Variants in CACNA1A observed in about 807,000 individuals in gnomAD.
CACNA1A encodes calcium voltage-gated channel subunit alpha1 A.
CACNA1A carries 57 observed loss-of-function variants against 262.4 expected under a neutral mutation model. The ratio of observed to expected loss-of-function variants is 0.22; its 90% confidence interval spans 0.18 to 0.27. The LOEUF (loss-of-function observed/expected upper bound fraction) is 0.27, where lower values mean the gene tolerates loss of function less well. CACNA1A is among the 10% of genes least tolerant of loss of function. The pLI is 1.00. For missense variants in CACNA1A, 2,526 were observed against 3,562.8 expected, an observed-to-expected ratio of 0.71 and a Z score of 7.41; for synonymous variants, 1,431 against 1,419.3, an observed-to-expected ratio of 1.01 and a Z score of -0.18.
chr19:13,256,278 G>C (rs565778860), intron 28 of CACNA1A: 1 of 152,064 alleles, frequency 6.6e-6, no homozygotes, highest in African/African-American at 2.4e-5. Flanking sequence ...GATTACAGGC[G>C]TGAGCCACTG....
Position 13,452,958 on chromosome 19 carries a change from T to C in CACNA1A, c.457A>G (p.Ile153Val), listed in dbSNP as rs1181026700. 2.5e-6 allele frequency: 4 copies of C among 1,613,862 alleles called. No individual in the cohort carries two copies. The highest frequency in any genetic ancestry group is 3.4e-6 in the Non-Finnish European group (4 of 1,179,796). ...TTGTGGAAGGCAAACCCAAGGGCAA[T>C]GATTTTAATTCCAGCCTCGAAACAA... is the stretch of plus-strand genomic sequence containing the variant. ...IFCFEAGIKI[I>V]ALGFAFHKGS... The change falls in exon 3 of 47, where the codon ATT becomes GTT. Residue 153 changes from isoleucine (I) to valine (V), a missense_variant. Transcript: ENST00000360228.
chr19:13,384,478 C>A (rs1262806104), intron 3 of CACNA1A, among the ~76,000 whole-genome samples: 10 of 152,010 alleles, frequency 6.6e-5, no homozygotes. Flanking sequence ...CAGGTGGATC[C>A]CCTGAGGTTA....
intron 15 of CACNA1A, among the ~76,000 whole-genome samples, chr19:13,306,105 T>G (rs1442262084): frequency 6.6e-6 from 1 of 151,200 alleles, no homozygotes; most frequent in Non-Finnish European, 1.5e-5. Context: ...GAACTTCCCT[T>G]CATGGAAGGT....
At chr19:13,369,273 C>T (rs959540450) in intron 4 of CACNA1A, among the ~76,000 whole-genome samples, 1 of 152,150 alleles carries the variant, frequency 6.6e-6, no homozygotes, top group Non-Finnish European at 1.5e-5. Context: ...TGCGTCTCTA[C>T]CTCCCATCCA....
rs1057522207 is a variant in CACNA1A at position 13,286,527 on chromosome 19, G to A, written c.3529C>T (p.Pro1177Ser). ...CCTTGTACGACGGTGTGGTTGAGGG[G>A]GGGTGGGCAGGCTGGGGGGATGTCC... ...TVDIPPACPP[P>S]LNHTVVQVNK... Residue 1177 changes from proline (P) to serine (S), a missense_variant, in exon 20 of 47, where the codon CCC (proline) becomes TCC (serine). Transcript: ENST00000360228. The A allele has an allele frequency of 6.7e-7, 1 of 1,498,406 alleles. No individual in the cohort carries two copies. The highest frequency in any genetic ancestry group is 1.8e-4 in the Middle Eastern group (1 of 5,564). The allele number at this position is 1,498,406 out of a possible 1,614,324, so 92.8% of individuals were successfully genotyped here.
intron 6 of CACNA1A, among the ~76,000 whole-genome samples, chr19:13,343,387 G>T (rs1388689457): frequency 6.6e-6 from 1 of 151,976 alleles, no homozygotes; most frequent in Non-Finnish European, 1.5e-5. Context: ...GCCTCCCAAA[G>T]TGCTGGGATT....
intron 9 of CACNA1A, among the ~76,000 whole-genome samples, chr19:13,332,337 T>C (rs1173497360): frequency 6.6e-6 from 1 of 151,942 alleles, no homozygotes; most frequent in Admixed American, 6.6e-5. Flanking sequence ...GAGCCAGAGG[T>C]TGCAGTGAGG....
intron 11 of CACNA1A, among the ~76,000 whole-genome samples, chr19:13,314,505 A>G (rs2058089516): frequency 6.6e-6 from 1 of 152,116 alleles, no homozygotes; most frequent in Non-Finnish European, 1.5e-5. Context: ...TTGCTCCTCC[A>G]CCTTCTGCCA....
Position 13,359,635 on chromosome 19 carries a change from T to C in CACNA1A, c.949A>G (p.Met317Val). Residue 317 changes from methionine (M) to valine (V), a missense_variant, in exon 6 of 47, where the codon ATG becomes GTG. Transcript: ENST00000360228. ...TAGAGGAGATCAGTCCACCCTTCCATGGTTATGCACTGGAAAACAGTCAGC... is the reference window on the plus strand; with the variant it reads ...TAGAGGAGATCAGTCCACCCTTCCACGGTTATGCACTGGAAAACAGTCAGC... ...AVLTVFQCIT[M>V]EGWTDLLYNS... 6.2e-7 allele frequency: 1 copy of C among 1,611,662 alleles called. No homozygotes were observed. Among genetic ancestry groups the C allele is most frequent in the Non-Finnish European group, 8.5e-7 (1 of 1,178,818 alleles).
intron 1 of CACNA1A, among the ~76,000 whole-genome samples, chr19:13,457,676 C>A (rs574609344): frequency 6.6e-6 from 1 of 152,092 alleles, no homozygotes; most frequent in East Asian, 1.9e-4. Context: ...CATGGAGAAA[C>A]CCCATCTCTA....
At chr19:13,455,077 G>C in intron 2 of CACNA1A, 30 bp downstream of exon 2, 1 of 1,379,796 alleles carries the variant, frequency 7.2e-7, no homozygotes, top group Non-Finnish European at 1.0e-6. Flanking sequence ...TAAAGCCAAG[G>C]AGAAGACCCT....
intron 3 of CACNA1A, among the ~76,000 whole-genome samples, chr19:13,386,555 G>A (rs1294861905): frequency 1.3e-5 from 2 of 152,120 alleles, no homozygotes; most frequent in Non-Finnish European, 1.5e-5. Context: ...TTGGGAGGCC[G>A]AGGCAGGTGC....
intron 3 of CACNA1A, among the ~76,000 whole-genome samples, chr19:13,405,937 T>C (rs1337368558): frequency 1.3e-5 from 2 of 152,194 alleles, no homozygotes; most frequent in African/African-American, 2.4e-5. Flanking sequence ...CATCCATTCA[T>C]GTGGTCTCAG....
chr19:13,216,466 T>C (rs866652335), intron 38 of CACNA1A, among the ~76,000 whole-genome samples: 98 of 151,982 alleles, frequency 6.4e-4, no homozygotes, highest in African/African-American at 2.1e-3. Context: ...GCCTCCTGAG[T>C]AGCTGGGATT....
At chr19:13,387,327 A>T (rs2059632462) in intron 3 of CACNA1A, among the ~76,000 whole-genome samples, 1 of 152,146 alleles carries the variant, frequency 6.6e-6, no homozygotes, top group Admixed American at 6.5e-5. Flanking sequence ...ATATTCACTA[A>T]ATGTATTCTC....
At chr19:13,416,288 A>G (rs2144763289) in intron 3 of CACNA1A, among the ~76,000 whole-genome samples, 1 of 151,986 alleles carries the variant, frequency 6.6e-6, no homozygotes, top group African/African-American at 2.4e-5. Flanking sequence ...TTTTTTATAG[A>G]GATGGGGTCT....
intron 1 of CACNA1A, among the ~76,000 whole-genome samples, chr19:13,472,930 C>T (rs1327616002): frequency 1.3e-5 from 2 of 152,056 alleles, no homozygotes; most frequent in African/African-American, 2.4e-5. Flanking sequence ...ATCTGACGGG[C>T]TCAAAATCCA....
intron 38 of CACNA1A, among the ~76,000 whole-genome samples, chr19:13,224,147 A>AC (rs199807910): frequency 0.031 from 4,717 of 151,392 alleles, 134 homozygotes; most frequent in South Asian, 0.067. Context: ...ACATGGTGAA[A>AC]CCCCATCTCT....
At chr19:13,335,955 C>A in intron 6 of CACNA1A, 46 bp from the exon 7 acceptor site, 1 of 1,108,514 alleles carries the variant, frequency 9.0e-7, no homozygotes, top group South Asian at 1.3e-5. Flanking sequence ...GACTGGGACT[C>A]AGATAGAACC....
Sources: allele counts gnomAD v4.1 joint callset (sites outside exome capture counted in the v4.1 genomes callset), GRCh38; gene constraint gnomAD v4.1.1; transcripts MANE v1.5; gene names NCBI Gene and HGNC (gene_info 2026-07-23, HGNC 2026-07-21).